Variants in DCC observed in about 807,000 individuals in gnomAD.
DCC encodes the protein netrin receptor DCC.
A neutral mutation model predicts 172.5 loss-of-function variants in DCC; 58 were observed. That is an observed-to-expected ratio of 0.34 (90% CI 0.27 to 0.42). The LOEUF is 0.42. Ranked by LOEUF, DCC falls within the 10% of genes least tolerant of loss-of-function variation. DCC has a pLI of 1.00. For synonymous variants in DCC, 709 were observed against 644.5 expected (o/e 1.10, Z -1.52); for missense variants, 1,740 against 1,791.0 (o/e 0.97, Z 0.51).
At chr18:52,706,444 G>A (rs1186865612) in intron 1 of DCC, among the ~76,000 whole-genome samples, 1 of 152,164 alleles carries the variant, frequency 6.6e-6, no homozygotes, top group Non-Finnish European at 1.5e-5. Context: ...GTGTAACTAG[G>A]TTTCTCTTAT....
At chr18:52,968,974 C>T (rs947579909) in intron 5 of DCC, among the ~76,000 whole-genome samples, 9 of 152,046 alleles carry the variant, frequency 5.9e-5, no homozygotes, top group Non-Finnish European at 1.0e-4. Flanking sequence ...CTCTCACATT[C>T]TCTCTCCCTT....
chr18:52,769,801 T>C (rs1568091707), intron 2 of DCC, among the ~76,000 whole-genome samples: 1 of 152,242 alleles, frequency 6.6e-6, no homozygotes, highest in African/African-American at 2.4e-5. Context: ...TTCTTTTGCA[T>C]GATGATGTCC....
intron 12 of DCC, among the ~76,000 whole-genome samples, chr18:53,275,590 A>G (rs1222118394): frequency 6.6e-6 from 1 of 152,110 alleles, no homozygotes; most frequent in Non-Finnish European, 1.5e-5. Context: ...GCCAAAAACT[A>G]TGCATTCGTA....
intron 5 of DCC, among the ~76,000 whole-genome samples, chr18:53,029,116 G>A (rs2041994750): frequency 1.3e-5 from 2 of 151,432 alleles, no homozygotes; most frequent in Non-Finnish European, 2.9e-5. Flanking sequence ...ACCCAAATGT[G>A]GATTCATATG....
intron 28 of DCC, among the ~76,000 whole-genome samples, chr18:53,529,972 C>A (rs1485883029): frequency 6.6e-6 from 1 of 152,110 alleles, no homozygotes; most frequent in African/African-American, 2.4e-5. Context: ...TGTTTCCACA[C>A]ACAAACTAAA....
At chr18:52,869,322 ACT>A (rs2039280660) in intron 2 of DCC, among the ~76,000 whole-genome samples, 1 of 152,060 alleles carries the variant, frequency 6.6e-6, no homozygotes, top group African/African-American at 2.4e-5. Flanking sequence ...TGTCCTGATA[ACT>A]CTCAGCAGAG....
chr18:53,314,043 A>G (rs907621387), intron 13 of DCC, among the ~76,000 whole-genome samples: 23 of 152,142 alleles, frequency 1.5e-4, no homozygotes, highest in African/African-American at 4.8e-4. Context: ...TTTACAGGCA[A>G]TTTTTCATTT....
intron 7 of DCC, among the ~76,000 whole-genome samples, chr18:53,089,394 G>C (rs1479572479): frequency 2.0e-5 from 3 of 151,952 alleles, no homozygotes; most frequent in African/African-American, 7.2e-5. Context: ...CCGTACTCAT[G>C]TATTTTTAAG....
At chr18:53,437,336 T>C (rs1912005243) in intron 22 of DCC, among the ~76,000 whole-genome samples, 1 of 151,954 alleles carries the variant, frequency 6.6e-6, no homozygotes, top group South Asian at 2.1e-4. Context: ...ATCCCAGCAC[T>C]TTGGGAGGCC....
intron 1 of DCC, among the ~76,000 whole-genome samples, chr18:52,483,372 A>C (rs1598853708): frequency 6.6e-6 from 1 of 152,170 alleles, no homozygotes; most frequent in Non-Finnish European, 1.5e-5. Flanking sequence ...TATACTTCAG[A>C]GAAAGTAGAA....
At chr18:52,681,446 G>A (rs1002623476) in intron 1 of DCC, among the ~76,000 whole-genome samples, 2 of 152,036 alleles carry the variant, frequency 1.3e-5, no homozygotes, top group Non-Finnish European at 2.9e-5. Context: ...TGATTGACAA[G>A]AGTGAAATTT....
chr18:53,468,079 C>A, intron 25 of DCC, 69 bp downstream of exon 25: 3 of 840,196 alleles, frequency 3.6e-6, no homozygotes, highest in South Asian at 1.3e-5. Flanking sequence ...TATAAAAAAT[C>A]AAATTATCAA....
At chr18:52,847,868 A>G (rs910675144) in intron 2 of DCC, among the ~76,000 whole-genome samples, 3 of 152,094 alleles carry the variant, frequency 2.0e-5, no homozygotes, top group Non-Finnish European at 4.4e-5. Context: ...GTCACTTACC[A>G]TTTCTCTCAT....
At chr18:52,346,958 T>C (rs1835979563) in intron 1 of DCC, among the ~76,000 whole-genome samples, 1 of 152,224 alleles carries the variant, frequency 6.6e-6, no homozygotes, top group South Asian at 2.1e-4. Flanking sequence ...AAACCATTTG[T>C]GGTTATGATG....
intron 15 of DCC, among the ~76,000 whole-genome samples, chr18:53,354,322 C>T (rs1389162830): frequency 6.6e-6 from 1 of 152,118 alleles, no homozygotes; most frequent in Non-Finnish European, 1.5e-5. Flanking sequence ...GTTCTAGATC[C>T]CTGAGGAATC....
chr18:52,642,844 T>G, intron 1 of DCC, among the ~76,000 whole-genome samples: 1 of 152,210 alleles, frequency 6.6e-6, no homozygotes, highest in South Asian at 2.1e-4. Flanking sequence ...TTCAATATTT[T>G]GTAGAGATGA....
chr18:52,457,081 T>G (rs780470711), intron 1 of DCC, among the ~76,000 whole-genome samples: 2 of 152,214 alleles, frequency 1.3e-5, no homozygotes, highest in Non-Finnish European at 2.9e-5. Flanking sequence ...CTGGTTCTCT[T>G]TGTCACAAAA....
chr18:52,916,307 C>T (rs1310079737), intron 3 of DCC, among the ~76,000 whole-genome samples: 1 of 151,428 alleles, frequency 6.6e-6, no homozygotes, highest in Admixed American at 6.6e-5. Context: ...ACACATTTCT[C>T]AAAAATGAAC....
intron 1 of DCC, among the ~76,000 whole-genome samples, chr18:52,719,746 G>C (rs1350976234): frequency 2.0e-5 from 3 of 152,190 alleles, no homozygotes; most frequent in African/African-American, 7.2e-5. Context: ...TCATATTTAA[G>C]CTGAAACCAG....
Sources: allele counts gnomAD v4.1 joint callset (sites outside exome capture counted in the v4.1 genomes callset), GRCh38; gene constraint gnomAD v4.1.1; transcripts MANE v1.5; gene names NCBI Gene and HGNC (gene_info 2026-07-23, HGNC 2026-07-21).